The following TRAPPC3L variants were observed in gnomAD, a reference collection of about 807,000 sequenced individuals.
TRAPPC3L encodes trafficking protein particle complex subunit 3L, also known as trafficking protein particle complex subunit 3-like protein.
A neutral mutation model predicts 23.7 loss-of-function variants in TRAPPC3L; 23 were observed. That is an observed-to-expected ratio of 0.97 (90% CI 0.70 to 1.37). The LOEUF (loss-of-function observed/expected upper bound fraction) is 1.37, where lower values mean the gene tolerates loss of function less well. Ranked by LOEUF, TRAPPC3L falls within the 40% of genes most tolerant of loss-of-function variation. The pLI is 0.00. For synonymous variants in TRAPPC3L, 81 were observed against 77.9 expected, an observed-to-expected ratio of 1.04 and a Z score of -0.21; for missense variants, 212 against 216.8, an observed-to-expected ratio of 0.98 and a Z score of 0.14.
intron 3 of TRAPPC3L, among the ~76,000 whole-genome samples, chr6:116,527,925 C>T (rs949270595): frequency 1.3e-5 from 2 of 152,136 alleles, no homozygotes; most frequent in African/African-American, 4.8e-5. Flanking sequence ...AAGAAGCCTG[C>T]GCGTTCAGCA....
At chr6:116,507,897 T>C (rs1772034594) in intron 3 of TRAPPC3L, among the ~76,000 whole-genome samples, 1 of 152,208 alleles carries the variant, frequency 6.6e-6, no homozygotes, top group Non-Finnish European at 1.5e-5. Context: ...GTTTCAAAAA[T>C]AAGTAAACTG....
chr6:116,523,737 A>G (rs1415763616), intron 3 of TRAPPC3L: 1 of 152,202 alleles, frequency 6.6e-6, no homozygotes, highest in Non-Finnish European at 1.5e-5. Flanking sequence ...AAACCTAATC[A>G]AGTATTTAGA....
chr6:116,506,072 C>G (rs955807218), intron 3 of TRAPPC3L, among the ~76,000 whole-genome samples: 4 of 152,094 alleles, frequency 2.6e-5, no homozygotes, highest in Admixed American at 1.3e-4. Flanking sequence ...TATCATCAGA[C>G]TGAGCAGGCA....
chr6:116,508,136 T>C (rs1772038184), intron 3 of TRAPPC3L, among the ~76,000 whole-genome samples: 1 of 152,252 alleles, frequency 6.6e-6, no homozygotes, highest in African/African-American at 2.4e-5. Flanking sequence ...TTAAATTACT[T>C]ATAATCAGAA....
chr6:116,528,785 G>A (rs1772528336), intron 3 of TRAPPC3L, among the ~76,000 whole-genome samples: 1 of 152,114 alleles, frequency 6.6e-6, no homozygotes, highest in South Asian at 2.1e-4. Flanking sequence ...TTTACCAAGG[G>A]CTCCCACTTA....
chr6:116,504,190 A>G (rs1771967112), intron 3 of TRAPPC3L, among the ~76,000 whole-genome samples: 1 of 152,216 alleles, frequency 6.6e-6, no homozygotes, highest in Non-Finnish European at 1.5e-5. Context: ...AAAAATGATA[A>G]AGGGGGATAT....
intron 3 of TRAPPC3L, chr6:116,515,716 A>C (rs762929694): frequency 1.2e-6 from 2 of 1,614,036 alleles, no homozygotes. Flanking sequence ...AGACATATGC[A>C]CAAAAGGAGA....
intron 3 of TRAPPC3L, chr6:116,517,257 T>C (rs139590392): frequency 2.0e-5 from 3 of 152,274 alleles, no homozygotes; most frequent in East Asian, 1.9e-4. Flanking sequence ...GTAGGGTAAA[T>C]TGACCTTGGC....
intron 2 of TRAPPC3L, among the ~76,000 whole-genome samples, chr6:116,542,457 AG>A (rs1483622614): frequency 2.0e-5 from 3 of 152,126 alleles, no homozygotes; most frequent in Non-Finnish European, 2.9e-5. Flanking sequence ...CCTTTTAAAA[AG>A]CTCTAAAATG....
In TRAPPC3L at chr6:116,496,805, A is replaced by G; in HGVS notation, c.*149T>C. On this transcript the variant is annotated 3_prime_UTR_variant, in exon 5 of 5. Coordinates refer to ENST00000368602, the MANE Select transcript of TRAPPC3L (RefSeq NM_001139444.3). ...TAAGCAAAAGGAAAAAAAAACCTTTAAGCCTTCATGCCCTGCATTTCAAAT... is the reference window on the plus strand; with the variant it reads ...TAAGCAAAAGGAAAAAAAAACCTTTGAGCCTTCATGCCCTGCATTTCAAAT... The G allele has an allele frequency of 8.8e-7, 1 of 1,136,580 alleles. No homozygotes were observed. 70.4% of individuals were successfully genotyped at this position (1,136,580 alleles called of 1,614,324 possible).
intron 3 of TRAPPC3L, among the ~76,000 whole-genome samples, chr6:116,537,533 C>T (rs1773175199): frequency 1.3e-5 from 2 of 152,112 alleles, no homozygotes; most frequent in South Asian, 4.1e-4. Flanking sequence ...TTCCTATGCT[C>T]TCCATAGAAC....
chr6:116,513,853 G>A (rs1772172106), intron 3 of TRAPPC3L, among the ~76,000 whole-genome samples: 1 of 152,150 alleles, frequency 6.6e-6, no homozygotes, highest in South Asian at 2.1e-4. Context: ...CTCAGTCTTG[G>A]AATTGTCTGG....
intron 4 of TRAPPC3L, among the ~76,000 whole-genome samples, chr6:116,497,797 A>C (rs1055077625): frequency 3.9e-5 from 6 of 152,184 alleles, no homozygotes; most frequent in Non-Finnish European, 7.3e-5. Flanking sequence ...TTATTGGGAA[A>C]AATAAGATAA....
At chr6:116,512,353 C>A in intron 3 of TRAPPC3L, 1 of 1,176,334 alleles carries the variant, frequency 8.5e-7, no homozygotes, top group Non-Finnish European at 1.2e-6. Context: ...TAAATGGAAA[C>A]TGAAACATGA....
chr6:116,545,588 T>A lies in TRAPPC3L; in HGVS notation c.-74A>T. 1 of 1,376,076 alleles carries A rather than the reference T, an allele frequency of 7.3e-7. No individual in the cohort carries two copies. The highest frequency in any genetic ancestry group is 1.0e-6 in the Non-Finnish European group (1 of 1,004,468). The allele number at this position is 1,376,076 out of a possible 1,614,324, so 85.2% of individuals were successfully genotyped here. Reference sequence around the variant, plus strand: ...TGTTTCTTAGAGGTGTATCAGTCCATGTCTTTTTGTTTTGTTTTTGTAAGC... The same window carrying A: ...TGTTTCTTAGAGGTGTATCAGTCCAAGTCTTTTTGTTTTGTTTTTGTAAGC... On this transcript the variant is annotated 5_prime_UTR_variant, in exon 1 of 5. It removes an upstream start codon present in the reference 5' UTR. Transcript: ENST00000368602.
At chr6:116,541,349 C>T (rs1314505690) in intron 2 of TRAPPC3L, among the ~76,000 whole-genome samples, 5 of 152,102 alleles carry the variant, frequency 3.3e-5, no homozygotes, top group African/African-American at 1.2e-4. Flanking sequence ...TTTGCCAAAC[C>T]TCTATCAAAA....
At chr6:116,498,953 C>CT (rs1418977662) in intron 4 of TRAPPC3L, among the ~76,000 whole-genome samples, 1 of 152,156 alleles carries the variant, frequency 6.6e-6, no homozygotes, top group Non-Finnish European at 1.5e-5. Context: ...CATTCTTTTC[C>CT]TATTCTAATG....
intron 3 of TRAPPC3L, among the ~76,000 whole-genome samples, chr6:116,505,272 C>T (rs948983647): frequency 1.1e-4 from 16 of 152,136 alleles, no homozygotes; most frequent in Admixed American, 8.5e-4. Flanking sequence ...TTCACAAATC[C>T]TACAAAGTGA....
chr6:116,512,699 C>A (rs1772147918), intron 3 of TRAPPC3L, among the ~76,000 whole-genome samples: 1 of 152,138 alleles, frequency 6.6e-6, no homozygotes, highest in Non-Finnish European at 1.5e-5. Context: ...TTCAAAGTTG[C>A]ATGTAATATA....
Sources: gnomAD v4.1 joint callset for allele counts (sites outside exome capture counted in the v4.1 genomes callset) on GRCh38, gnomAD v4.1.1 for gene constraint, MANE v1.5 for transcripts, NCBI Gene and HGNC (gene_info 2026-07-23, HGNC 2026-07-21) for gene names.